PDZD9: variants seen among roughly 807,000 people sequenced by gnomAD.
PDZD9 encodes PDZ domain-containing protein 9.
In PDZD9, 13 loss-of-function variants were observed where a neutral mutation model predicts 16.3. That is an observed-to-expected ratio of 0.80 (90% CI 0.52 to 1.27). The LOEUF is 1.27. Ranked by LOEUF, PDZD9 falls within the 50% of genes most tolerant of loss-of-function variation. PDZD9 has a pLI of 0.00. For synonymous variants in PDZD9, 120 were observed against 111.0 expected (o/e 1.08, Z -0.51); for missense variants, 288 against 310.9 (o/e 0.93, Z 0.55).
chr16:21,995,361 A>G (rs1013140518), intron 2 of PDZD9: 3 of 420,138 alleles, frequency 7.1e-6, no homozygotes, highest in East Asian at 7.2e-5. Flanking sequence ...ACCCAGTTTC[A>G]GGTATTTCTT....
the PDZD9 span, chr16:21,959,533 G>A: frequency 6.5e-6 from 1 of 154,380 alleles, no homozygotes; most frequent in African/African-American, 2.4e-5. Flanking sequence ...CTGAAGTCTT[G>A]CCTCTCAGAG....
Position 21,984,390 on chromosome 16 carries a change from T to A in PDZD9, c.672A>T (p.Ile224=). The change falls in exon 4 of 4, where the codon ATA becomes ATT. Residue 224 remains isoleucine, a synonymous_variant. Coordinates refer to ENST00000424898, the MANE Select transcript of PDZD9 (RefSeq NM_001363519.1). ...KEVRAPSPYW[I]MVKQDNESSS... ...AGCTTTCATTGTCTTGCTTCACCAT[T>A]ATCCAGTATGGAGAAGGGGCCCTCA... 6.2e-7 allele frequency: 1 copy of A among 1,614,166 alleles called. No individual in the cohort carries two copies. Among genetic ancestry groups the A allele is most frequent in the Non-Finnish European group, 8.5e-7 (1 of 1,180,024 alleles).
At chr16:21,973,839 A>G in the PDZD9 span, 15 of 1,526,270 alleles carry the variant, frequency 9.8e-6, no homozygotes, top group Admixed American at 2.8e-4. Flanking sequence ...ACTTAAAGAA[A>G]TCGTGCCCTG....
the PDZD9 span, among the ~76,000 whole-genome samples, chr16:21,971,071 C>A: frequency 1.4e-3 from 219 of 152,078 alleles, 6 homozygotes; most frequent in East Asian, 0.038. Context: ...CTTTGATGGA[C>A]AATGCAATGT....
At chr16:21,957,829 C>T in the PDZD9 span, among the ~76,000 whole-genome samples, 1 of 152,184 alleles carries the variant, frequency 6.6e-6, no homozygotes, top group Non-Finnish European at 1.5e-5. Context: ...CAAATCCTCC[C>T]CTGCCTGTTC....
At chr16:21,986,668 A>T (rs1358662442) in intron 3 of PDZD9, among the ~76,000 whole-genome samples, 1 of 152,186 alleles carries the variant, frequency 6.6e-6, no homozygotes, top group Non-Finnish European at 1.5e-5. Context: ...GCAAAACAAG[A>T]CAGACTCAGT....
chr16:21,993,653 T>C (rs577530777), intron 2 of PDZD9, among the ~76,000 whole-genome samples: 2 of 152,264 alleles, frequency 1.3e-5, no homozygotes, highest in East Asian at 1.9e-4. Flanking sequence ...TGTAGGGAGA[T>C]AGGGACCAGG....
At chr16:21,971,547 G>GC in the PDZD9 span, 1 of 1,614,064 alleles carries the variant, frequency 6.2e-7, no homozygotes, top group Admixed American at 1.7e-5. Context: ...CTGTTCTAAA[G>GC]CAAGTTGCTG....
the PDZD9 span, chr16:21,976,070 C>T: frequency 1.3e-6 from 1 of 762,658 alleles, no homozygotes; most frequent in Non-Finnish European, 2.3e-6. Flanking sequence ...TGGAACTAAC[C>T]TTCCATCTGT....
chr16:21,995,637 A>C (rs894629588), intron 2 of PDZD9, among the ~76,000 whole-genome samples: 6 of 152,100 alleles, frequency 3.9e-5, no homozygotes, highest in Non-Finnish European at 7.4e-5. Context: ...TCACTCTGTC[A>C]CCCAGGCTGG....
At chr16:21,962,440 T>C in the PDZD9 span, 6 of 1,613,958 alleles carry the variant, frequency 3.7e-6, no homozygotes, top group East Asian at 1.3e-4. Context: ...TGATTTACTC[T>C]AGTTTATTTT....
At chr16:21,958,206 A>G in the PDZD9 span, among the ~76,000 whole-genome samples, 1 of 152,232 alleles carries the variant, frequency 6.6e-6, no homozygotes, top group Non-Finnish European at 1.5e-5. Flanking sequence ...TTAGAGCATA[A>G]GAAATCAGTA....
intron 3 of PDZD9, among the ~76,000 whole-genome samples, chr16:21,987,248 C>A (rs913439324): frequency 6.6e-6 from 1 of 152,014 alleles, no homozygotes; most frequent in Non-Finnish European, 1.5e-5. Context: ...GGTGAAACTT[C>A]GTCTCTATTA....
the PDZD9 span, chr16:21,976,305 AT>A: frequency 1.5e-6 from 2 of 1,375,884 alleles, no homozygotes; most frequent in African/African-American, 1.4e-5. Context: ...TTCTTTTCAG[AT>A]TATAACAATA....
downstream of PDZD9, chr16:21,980,847 C>A: frequency 1.1e-6 from 1 of 882,554 alleles, no homozygotes. Context: ...AGGGCTCATT[C>A]CCATAAGATC....
At chr16:21,990,794 A>G (rs1899003580) in intron 2 of PDZD9, among the ~76,000 whole-genome samples, 2 of 152,264 alleles carry the variant, frequency 1.3e-5, no homozygotes, top group Non-Finnish European at 2.9e-5. Context: ...GAGGGCAGAA[A>G]ATAAACAGCT....
At chr16:21,980,398 ATTC>A (rs535827054), downstream of PDZD9, 210 of 795,792 alleles carry the variant, frequency 2.6e-4, no homozygotes, top group South Asian at 5.3e-4. Context: ...AGGGAGTGGC[ATTC>A]TTCTTGGGGA....
chr16:21,965,617 C>A, the PDZD9 span: 2 of 895,126 alleles, frequency 2.2e-6, no homozygotes, highest in Non-Finnish European at 3.1e-6. Context: ...TTAAGAAATT[C>A]AGCGTGCTAG....
chr16:21,982,963 CAAA>C (rs1036084484), downstream of PDZD9: 11,807 of 518,664 alleles, frequency 0.023, no homozygotes, highest in East Asian at 0.028. Context: ...GACTCCACCT[CAAA>C]AAAAAAAAAA....
Sources: gnomAD v4.1 joint callset for allele counts (sites outside exome capture counted in the v4.1 genomes callset) on GRCh38, gnomAD v4.1.1 for gene constraint, MANE v1.5 for transcripts, NCBI Gene and HGNC (gene_info 2026-07-23, HGNC 2026-07-21) for gene names.